PRR5L: variants seen among roughly 807,000 people sequenced by gnomAD.
The protein encoded by PRR5L is proline-rich protein 5-like.
In PRR5L, 21 loss-of-function variants were observed where a neutral mutation model predicts 36.4. That is an observed-to-expected ratio of 0.58 (90% CI 0.41 to 0.83). PRR5L has a LOEUF of 0.83. Among genes scored for constraint, PRR5L ranks in the 40% least tolerant of loss-of-function variants. PRR5L has a pLI of 0.00. For missense variants in PRR5L, 381 were observed against 473.3 expected (o/e 0.80, Z 1.81); for synonymous variants, 188 against 197.0 (o/e 0.95, Z 0.38).
At chr11:36,394,855 TG>T (rs1359248746) in intron 1 of PRR5L, among the ~76,000 whole-genome samples, 1 of 152,078 alleles carries the variant, frequency 6.6e-6, no homozygotes. Flanking sequence ...TGCATCTTTG[TG>T]GGGGGTGGGG....
chr11:36,412,681 G>GC lies in PRR5L; in HGVS notation c.246-6573dup, dbSNP rs561631876. On this transcript the variant is annotated intron_variant, in intron 3 of 8. Coordinates refer to ENST00000530639, the MANE Select transcript of PRR5L (RefSeq NM_001160167.2). ...AATTAAATTGGTAAAAGTAAGTCAG[G>GC]CTACAGGGTGAATTGTCCCATTGTG... Among the ~76,000 whole-genome samples the GC allele has an allele frequency of 5.8e-3, 886 of 152,240 alleles. 7 individuals are homozygous for GC. Among genetic ancestry groups the GC allele is most frequent in the African/African-American group, 0.02 (840 of 41,540 alleles).
chr11:36,408,407 C>A (rs543853948), intron 3 of PRR5L, among the ~76,000 whole-genome samples: 1 of 140,084 alleles, frequency 7.1e-6, no homozygotes, highest in South Asian at 2.1e-4. Flanking sequence ...CCCATTGAAA[C>A]TGCCTTAGGC....
Position 36,419,324 on chromosome 11 carries a change from C to A in PRR5L, c.294+21C>A, listed in dbSNP as rs1247277390. On this transcript the variant is annotated intron_variant, in intron 4 of 8. Coordinates refer to ENST00000530639, the MANE Select transcript of PRR5L (RefSeq NM_001160167.2). ...TTCAGGTAAGCTGTGTGGATCTGAG[C>A]ATCCATCATTATCATGCATGTGGGG... is the stretch of plus-strand genomic sequence containing the variant. 11 of 1,607,256 alleles carry A rather than the reference C, an allele frequency of 6.8e-6. No homozygotes were observed. The South Asian group carries it at 1.2e-4, about 18-fold the overall frequency.
At chr11:36,427,302 T>C (rs1253610123) in intron 4 of PRR5L, among the ~76,000 whole-genome samples, 1 of 152,150 alleles carries the variant, frequency 6.6e-6, no homozygotes, top group Non-Finnish European at 1.5e-5. Context: ...AGAGGATGCA[T>C]TAAGTAACAA....
chr11:36,309,731 T>C (rs557757438), intron 1 of PRR5L, among the ~76,000 whole-genome samples: 1 of 144,020 alleles, frequency 6.9e-6, no homozygotes, highest in African/African-American at 2.6e-5. Flanking sequence ...TCCCTCTCAC[T>C]GGCTGTGATC....
intron 8 of PRR5L, among the ~76,000 whole-genome samples, chr11:36,459,658 G>A (rs1859137908): frequency 6.6e-6 from 1 of 152,152 alleles, no homozygotes; most frequent in African/African-American, 2.4e-5. Context: ...CCAGCTCATT[G>A]GGTTGAGAGG....
At chr11:36,351,813 T>A (rs1856978592) in intron 1 of PRR5L, among the ~76,000 whole-genome samples, 1 of 140,616 alleles carries the variant, frequency 7.1e-6, no homozygotes, top group Non-Finnish European at 1.5e-5. Flanking sequence ...AATTTCTTTA[T>A]CTACTTGTTG....
At chr11:36,305,392 T>C (rs1340324315) in intron 1 of PRR5L, among the ~76,000 whole-genome samples, 1 of 152,032 alleles carries the variant, frequency 6.6e-6, no homozygotes, top group Non-Finnish European at 1.5e-5. Flanking sequence ...AGGGAGGAAA[T>C]GGAGAGTGAC....
chr11:36,314,368 C>A (rs1590432887), intron 1 of PRR5L, among the ~76,000 whole-genome samples: 1 of 152,198 alleles, frequency 6.6e-6, no homozygotes, highest in South Asian at 2.1e-4. Context: ...TGGAAAGAAT[C>A]TCCCCACACA....
chr11:36,370,602 C>T (rs1393949676), intron 1 of PRR5L, among the ~76,000 whole-genome samples: 1 of 152,188 alleles, frequency 6.6e-6, no homozygotes, highest in Non-Finnish European at 1.5e-5. Flanking sequence ...ATCCAAGAGG[C>T]CGGGCGAGGT....
rs138796398 is a variant in PRR5L at position 36,423,912 on chromosome 11, G to T, written c.294+4609G>T. ...CGAGAATGAGGGGGAGCCAGACTGG[G>T]GGCTTCGAGAAGCACCCCTGGGTGT... On this transcript the variant is annotated intron_variant, in intron 4 of 8. Coordinates refer to ENST00000530639, the MANE Select transcript of PRR5L (RefSeq NM_001160167.2). Among the ~76,000 whole-genome samples the T allele has an allele frequency of 3.0e-3, 456 of 152,236 alleles. 4 individuals carry two copies. The highest frequency in any genetic ancestry group is 5.3e-3 in the Non-Finnish European group (360 of 68,006).
At chr11:36,329,109 T>C (rs1400465783) in intron 1 of PRR5L, 1 of 152,204 alleles carries the variant, frequency 6.6e-6, no homozygotes, top group African/African-American at 2.4e-5. Context: ...TTTTCTTTTT[T>C]TCTTTTAGTC....
chr11:36,305,208 G>C (rs1009198192), intron 1 of PRR5L, among the ~76,000 whole-genome samples: 2 of 152,152 alleles, frequency 1.3e-5, no homozygotes, highest in African/African-American at 2.4e-5. Flanking sequence ...AAGATATGAA[G>C]TACTGATACA....
At chr11:36,429,047 A>G (rs1275013791) in intron 4 of PRR5L, among the ~76,000 whole-genome samples, 1 of 152,198 alleles carries the variant, frequency 6.6e-6, no homozygotes, top group African/African-American at 2.4e-5. Flanking sequence ...CCTTGAAAAT[A>G]TATAAAAAAG....
intron 1 of PRR5L, among the ~76,000 whole-genome samples, chr11:36,395,386 C>T (rs34123410): frequency 0.14 from 20,966 of 152,166 alleles, 1,976 homozygotes; most frequent in African/African-American, 0.27. Flanking sequence ...CACATGTGTG[C>T]AGCTATTAAC....
intron 4 of PRR5L, among the ~76,000 whole-genome samples, chr11:36,420,140 C>T (rs1440069928): frequency 6.6e-6 from 1 of 152,234 alleles, no homozygotes; most frequent in Non-Finnish European, 1.5e-5. Context: ...GAGTCACTGA[C>T]TGGACGGCAC....
At chr11:36,298,203 GC>G (rs1320431168) in intron 1 of PRR5L, among the ~76,000 whole-genome samples, 1 of 152,162 alleles carries the variant, frequency 6.6e-6, no homozygotes, top group African/African-American at 2.4e-5. Flanking sequence ...GCTTAAACCA[GC>G]AGTCCCCAAT....
At chr11:36,299,941 T>G (rs961978195) in intron 1 of PRR5L, among the ~76,000 whole-genome samples, 2 of 152,196 alleles carry the variant, frequency 1.3e-5, no homozygotes, top group African/African-American at 4.8e-5. Context: ...ATGCAGGGGC[T>G]GGCAACAGGA....
chr11:36,414,538 C>T (rs866588520), intron 3 of PRR5L, among the ~76,000 whole-genome samples: 1,526 of 145,354 alleles, frequency 0.01, 129 homozygotes, highest in African/African-American at 0.038. Context: ...TCATGTCCTT[C>T]GCCCACTTTT....
Sources: gnomAD v4.1 joint callset for allele counts (sites outside exome capture counted in the v4.1 genomes callset) on GRCh38, gnomAD v4.1.1 for gene constraint, MANE v1.5 for transcripts, NCBI Gene and HGNC (gene_info 2026-07-23, HGNC 2026-07-21) for gene names.